ZNF225: variants seen among roughly 807,000 people sequenced by gnomAD.
The protein encoded by ZNF225 is zinc finger protein 225.
ZNF225 carries 6 observed loss-of-function variants against 12.0 expected under a neutral mutation model. The observed-to-expected ratio is 0.50, with a 90% CI of 0.27 to 0.98. The LOEUF (loss-of-function observed/expected upper bound fraction) is 0.98, where lower values mean the gene tolerates loss of function less well. ZNF225 is among the 50% of genes least tolerant of loss of function. The pLI is 0.11. For missense variants in ZNF225, 763 were observed against 848.2 expected (o/e 0.90, Z 1.25); for synonymous variants, 271 against 283.2 (o/e 0.96, Z 0.43).
rs1238518879 is a variant in ZNF225, at chr19:44,131,238, G to A, written c.624G>A (p.Val208=). The A allele has an allele frequency of 1.2e-6, 2 of 1,614,222 alleles. No individual in the cohort carries two copies. The highest frequency in any genetic ancestry group is 2.2e-5 in the East Asian group (1 of 44,876). Residue 208 remains valine (V), a synonymous_variant, in exon 5 of 5, where the codon GTG becomes GTA. Transcript: ENST00000262894. ...HMGEKLYNCD[V]CGKEFNQSSH... is the part of the protein sequence containing the mutation. ...GGGAGAAACTCTATAATTGTGATGT[G>A]TGTGGTAAGGAATTCAATCAGAGCT... is the stretch of plus-strand genomic sequence containing the variant.
At chr19:44,129,139 T>C in intron 4 of ZNF225, 1 of 1,223,846 alleles carries the variant, frequency 8.2e-7, no homozygotes, top group African/African-American at 1.6e-5. Flanking sequence ...ACAAATGAGA[T>C]TATACATGTT....
rs1305497984 is a variant in ZNF225 at position 44,132,651 on chromosome 19, A to G, written c.2037A>G (p.Thr679=). ...DQQRDQSGEK[T]SKCEDCGKRY... is the part of the protein sequence containing the mutation. ...AAAGAGACCAAAGTGGAGAGAAAACATCTAAATGTGAGGACTGTGGGAAGC... is the reference window on the plus strand; with the variant it reads ...AAAGAGACCAAAGTGGAGAGAAAACGTCTAAATGTGAGGACTGTGGGAAGC... The change falls in exon 5 of 5, where the codon ACA becomes ACG. Residue 679 remains threonine, a synonymous_variant. Coordinates refer to ENST00000262894, the MANE Select transcript of ZNF225 (RefSeq NM_013362.4). The G allele has an allele frequency of 1.2e-6, 2 of 1,613,806 alleles. No individual in the cohort carries two copies. Among genetic ancestry groups the G allele is most frequent in the Non-Finnish European group, 1.7e-6 (2 of 1,179,952 alleles).
intron 4 of ZNF225, chr19:44,129,843 G>A (rs1448089455): frequency 6.6e-6 from 1 of 152,202 alleles, no homozygotes; most frequent in African/African-American, 2.4e-5. Context: ...CTCAGATGCT[G>A]AGGACATCAC....
chr19:44,116,084 A>T (rs916272302), intron 2 of ZNF225, among the ~76,000 whole-genome samples: 2 of 151,740 alleles, frequency 1.3e-5, no homozygotes, highest in African/African-American at 4.8e-5. Context: ...CTGTTCTCAA[A>T]CTCCTGACCT....
At chr19:44,120,288 G>A (rs1407410032) in intron 4 of ZNF225, among the ~76,000 whole-genome samples, 12 of 152,136 alleles carry the variant, frequency 7.9e-5, no homozygotes, top group African/African-American at 2.9e-4. Flanking sequence ...ATATATTTCT[G>A]TTTACCTGTC....
chr19:44,118,632 G>C, intron 4 of ZNF225, 58 bp downstream of exon 4: 1 of 1,523,286 alleles, frequency 6.6e-7, no homozygotes, highest in Non-Finnish European at 9.0e-7. Context: ...TTTCACTTCT[G>C]TCCATTGCCC....
At chr19:44,121,752 T>C (rs1376363117) in intron 4 of ZNF225, among the ~76,000 whole-genome samples, 1 of 152,220 alleles carries the variant, frequency 6.6e-6, no homozygotes, top group African/African-American at 2.4e-5. Context: ...ATTAGTGATT[T>C]TGAGCTTTTT....
At chr19:44,120,020 C>G (rs1262283114) in intron 4 of ZNF225, among the ~76,000 whole-genome samples, 1 of 152,172 alleles carries the variant, frequency 6.6e-6, no homozygotes, top group Non-Finnish European at 1.5e-5. Context: ...GAGTTTGAGA[C>G]CAGCCTGGCC....
At chr19:44,121,814 G>A (rs757640026) in intron 4 of ZNF225, among the ~76,000 whole-genome samples, 2 of 152,094 alleles carry the variant, frequency 1.3e-5, no homozygotes, top group African/African-American at 2.4e-5. Flanking sequence ...GTCTATTCAT[G>A]TTCTTAGCCC....
At position 44,132,463 on chromosome 19, in the gene ZNF225, G is replaced by A. The variant is rs1320956238; in HGVS notation, c.1849G>A (p.Val617Ile). The change falls in exon 5 of 5, where the codon GTT becomes ATT. Residue 617 changes from valine (V) to isoleucine (I), a missense_variant. Physicochemically the swap from Val to Ile is conservative, Grantham distance 29. Coordinates refer to ENST00000262894, the MANE Select transcript of ZNF225 (RefSeq NM_013362.4). ...TTCACAGCTTCATTCCCATCAGAGG[G>A]TTCACACTGGGGAAAAGCCATACAA... is the stretch of plus-strand genomic sequence containing the variant. ...ENSQLHSHQR[V>I]HTGEKPYKCE... 5.6e-6 allele frequency: 9 copies of A among 1,614,016 alleles called. No individual in the cohort carries two copies. Among genetic ancestry groups the A allele is most frequent in the South Asian group, 1.1e-5 (1 of 91,082 alleles).
At position 44,132,878 on chromosome 19, in the gene ZNF225, T is replaced by C. The variant is rs944708676; in HGVS notation, c.*143T>C. The C allele has an allele frequency of 2.1e-5, 16 of 754,228 alleles. No individual in the cohort carries two copies. In the East Asian group the frequency reaches 3.4e-4, roughly 16 times the overall value. 46.7% of individuals were successfully genotyped at this position (754,228 alleles called of 1,614,324 possible). A position where few individuals can be genotyped will look rare whatever the true frequency, so the allele number is the denominator to read the frequency against. On this transcript the variant is annotated 3_prime_UTR_variant, in exon 5 of 5. Transcript: ENST00000262894. ...TGGGAACCCTTAAAATTCACTGTCC[T>C]AGCTATTTGAAAATAATACGTTGTT... is the stretch of plus-strand genomic sequence containing the variant.
intron 1 of ZNF225, among the ~76,000 whole-genome samples, chr19:44,114,757 C>A (rs368014736): frequency 6.6e-6 from 1 of 152,192 alleles, no homozygotes; most frequent in Admixed American, 6.5e-5. Context: ...GTGATTCAAC[C>A]GCCTTGGCCT....
upstream of ZNF225, chr19:44,112,892 T>C (rs1967858569): frequency 1.3e-5 from 2 of 152,252 alleles, no homozygotes; most frequent in Admixed American, 1.3e-4. Flanking sequence ...ATAACACTCC[T>C]GTTATCATTG....
chr19:44,123,775 G>A (rs1346208475), intron 4 of ZNF225, among the ~76,000 whole-genome samples: 2 of 152,090 alleles, frequency 1.3e-5, no homozygotes, highest in Non-Finnish European at 2.9e-5. Context: ...TAGTTTATGT[G>A]TGTAAAGGTG....
At chr19:44,116,473 C>T (rs980450631) in intron 2 of ZNF225, among the ~76,000 whole-genome samples, 5 of 152,168 alleles carry the variant, frequency 3.3e-5, no homozygotes, top group African/African-American at 1.2e-4. Context: ...TAACCATAGT[C>T]ATGATAGAAA....
intron 4 of ZNF225, among the ~76,000 whole-genome samples, chr19:44,122,472 G>T (rs1968073730): frequency 6.6e-6 from 1 of 151,972 alleles, no homozygotes; most frequent in Admixed American, 6.6e-5. Context: ...TCTTGCTTTG[G>T]CTCTGCGAGC....
Position 44,120,391 on chromosome 19 carries a change from G to A in ZNF225, c.235+1817G>A, listed in dbSNP as rs573935603. On this transcript the variant is annotated intron_variant, in intron 4 of 4. Coordinates refer to ENST00000262894, the MANE Select transcript of ZNF225 (RefSeq NM_013362.4). ...TCACAGGCTAGAAGGTATTGTTCTG[G>A]TACATGGCAGGTATCTAATTATTTG... Among the ~76,000 whole-genome samples the A allele has an allele frequency of 5.3e-5, 8 of 152,262 alleles. No individual in the cohort carries two copies. The South Asian group carries it at 1.7e-3, about 32-fold the overall frequency.
At chr19:44,126,820 G>T (rs972317348) in intron 4 of ZNF225, among the ~76,000 whole-genome samples, 1 of 152,128 alleles carries the variant, frequency 6.6e-6, no homozygotes, top group Admixed American at 6.5e-5. Context: ...TGGGAAGTAG[G>T]GGAAAGCTGG....
At chr19:44,116,221 G>C (rs1322963155) in intron 2 of ZNF225, among the ~76,000 whole-genome samples, 1 of 152,188 alleles carries the variant, frequency 6.6e-6, no homozygotes, top group Non-Finnish European at 1.5e-5. Flanking sequence ...AAGACTTAGG[G>C]AGTACAACAG....
Sources: gnomAD v4.1 joint callset for allele counts (sites outside exome capture counted in the v4.1 genomes callset) on GRCh38, gnomAD v4.1.1 for gene constraint, MANE v1.5 for transcripts, NCBI Gene and HGNC (gene_info 2026-07-23, HGNC 2026-07-21) for gene names.